Variants in AVEN observed in about 807,000 individuals in gnomAD.
AVEN encodes apoptosis and caspase activation inhibitor.
Under a neutral mutation model 38.1 loss-of-function variants are expected in AVEN, and 41 were observed. That is an observed-to-expected ratio of 1.08 (90% CI 0.84 to 1.40). AVEN has a LOEUF of 1.40. AVEN is among the 40% of genes most tolerant of loss of function. The probability of loss-of-function intolerance (pLI) is 0.00; values close to 1 mark genes in which losing one functional copy is unlikely to be tolerated. For synonymous variants in AVEN, 206 were observed against 171.8 expected (o/e 1.20, Z -1.56); for missense variants, 605 against 438.8 (o/e 1.38, Z -3.38).
chr15:34,030,376 T>C (rs1037585603), intron 1 of AVEN, among the ~76,000 whole-genome samples: 5 of 152,116 alleles, frequency 3.3e-5, no homozygotes, highest in Admixed American at 6.5e-5. Context: ...GACGGAGTCT[T>C]GCTCTGTCGC....
At chr15:33,871,384 T>C (rs1890943941) in intron 3 of AVEN, among the ~76,000 whole-genome samples, 1 of 152,130 alleles carries the variant, frequency 6.6e-6, no homozygotes, top group Non-Finnish European at 1.5e-5. Flanking sequence ...CTAGCCAACA[T>C]GGTGAAACCC....
chr15:33,931,591 T>G (rs535243035), intron 2 of AVEN, among the ~76,000 whole-genome samples: 6 of 151,970 alleles, frequency 3.9e-5, no homozygotes, highest in Admixed American at 3.3e-4. Flanking sequence ...AGGATGGTCT[T>G]GATCTCCTGA....
rs1177958542 is a variant in AVEN at position 33,968,101 on chromosome 15, A to T, written c.445+34931T>A. 1.6e-4 allele frequency among the ~76,000 whole-genome samples: 17 copies of T among 103,070 alleles called. 1 individual carries two copies. Among genetic ancestry groups the T allele is most frequent in the African/African-American group, 1.4e-3 (17 of 12,538 alleles). 67.6% of individuals were successfully genotyped at this position (103,070 alleles called of 152,430 possible). A position where few individuals can be genotyped will look rare whatever the true frequency, so the allele number is the denominator to read the frequency against. On this transcript the variant is annotated intron_variant, in intron 2 of 5. Coordinates refer to ENST00000306730, the MANE Select transcript of AVEN (RefSeq NM_020371.3). ...TGTGAATAATGCCTAGCAAAGCTTA[A>T]AAAAAAAAAAAAAAAAAAAAAAAAG...
chr15:33,965,582 T>C (rs964485756), intron 2 of AVEN, among the ~76,000 whole-genome samples: 1 of 152,162 alleles, frequency 6.6e-6, no homozygotes, highest in African/African-American at 2.4e-5. Context: ...CATAAATTCA[T>C]TTGAAAGTCT....
chr15:33,866,143 G>C (rs1466116929), downstream of AVEN: 2 of 168,244 alleles, frequency 1.2e-5, no homozygotes, highest in East Asian at 1.7e-4. Context: ...ACTTCTGGTT[G>C]ATTCTACAAC....
intron 2 of AVEN, among the ~76,000 whole-genome samples, chr15:33,941,120 T>A (rs1342400157): frequency 6.6e-6 from 1 of 152,204 alleles, no homozygotes; most frequent in Non-Finnish European, 1.5e-5. Flanking sequence ...AAATCTGATT[T>A]CTACTGTTTA....
rs138076873 is a variant in AVEN at position 33,961,812 on chromosome 15, CAAAAAAAAAAAAAAA to C, written c.445+41205_445+41219del. On this transcript the variant is annotated intron_variant, in intron 2 of 5. Coordinates refer to ENST00000306730, the MANE Select transcript of AVEN (RefSeq NM_020371.3). ...TGGGCGACAGAGTGAGACTCTGTCT[CAAAAAAAAAAAAAAA>C]AAAAAAAAAAAGAAAACGAAGTGCC... Among the ~76,000 whole-genome samples the C allele has an allele frequency of 5.6e-5, 4 of 71,966 alleles. No individual in the cohort carries two copies. In the East Asian group the frequency reaches 1.3e-3, roughly 24 times the overall value. The allele number at this position is 71,966 out of a possible 152,430, so 47.2% of individuals were successfully genotyped here.
intron 1 of AVEN, among the ~76,000 whole-genome samples, chr15:34,036,176 T>G (rs1203503792): frequency 2.6e-5 from 4 of 152,094 alleles, no homozygotes; most frequent in Non-Finnish European, 5.9e-5. Flanking sequence ...AAGATAATTA[T>G]GCTCACCCAT....
intron 1 of AVEN, among the ~76,000 whole-genome samples, chr15:34,016,278 C>G (rs115825310): frequency 4.3e-4 from 65 of 152,274 alleles, no homozygotes; most frequent in African/African-American, 1.4e-3. Flanking sequence ...ACTTATCTCT[C>G]CTAGGTTCTG....
At chr15:33,931,980 G>C (rs1162592483) in intron 2 of AVEN, among the ~76,000 whole-genome samples, 1 of 152,184 alleles carries the variant, frequency 6.6e-6, no homozygotes, top group Non-Finnish European at 1.5e-5. Context: ...AGATGAGCTT[G>C]ATCTCCAGGG....
At chr15:34,070,092 G>A (rs1412092088) in intron 2 of AVEN, among the ~76,000 whole-genome samples, 1 of 152,158 alleles carries the variant, frequency 6.6e-6, no homozygotes, top group African/African-American at 2.4e-5. Flanking sequence ...AATCATGACT[G>A]AAGTCACCTC....
At chr15:33,862,772 G>A (rs1310463424), downstream of AVEN, among the ~76,000 whole-genome samples, 1 of 152,002 alleles carries the variant, frequency 6.6e-6, no homozygotes, top group Non-Finnish European at 1.5e-5. Flanking sequence ...CACCATCCTG[G>A]GCTAATTTTT....
chr15:33,946,154 C>T (rs944699012), intron 2 of AVEN, among the ~76,000 whole-genome samples: 1 of 152,142 alleles, frequency 6.6e-6, no homozygotes, highest in Admixed American at 6.5e-5. Flanking sequence ...CCTGTACTTC[C>T]TCCCAAATAC....
intron 2 of AVEN, among the ~76,000 whole-genome samples, chr15:33,932,862 T>TAAATAAATAAATAAAA (rs1184605505): frequency 3.4e-4 from 52 of 151,742 alleles, no homozygotes; most frequent in South Asian, 1.2e-3. Flanking sequence ...AATAAATAAA[T>TAAATAAATAAATAAAA]AAAAATTGTA....
chr15:33,964,306 A>C (rs1325002564), intron 2 of AVEN, among the ~76,000 whole-genome samples: 1 of 152,158 alleles, frequency 6.6e-6, no homozygotes, highest in Non-Finnish European at 1.5e-5. Flanking sequence ...TCTGCAGTTC[A>C]GTATAAGGTC....
intron 5 of AVEN, among the ~76,000 whole-genome samples, chr15:34,048,818 A>G (rs916832029): frequency 6.6e-6 from 1 of 152,146 alleles, no homozygotes; most frequent in African/African-American, 2.4e-5. Flanking sequence ...TCCTCCTGGG[A>G]TGGAGCCTCC....
At chr15:33,898,902 A>T (rs1892360442) in intron 2 of AVEN, among the ~76,000 whole-genome samples, 1 of 152,184 alleles carries the variant, frequency 6.6e-6, no homozygotes, top group Admixed American at 6.5e-5. Flanking sequence ...AATGGTCCTG[A>T]AGAGGAGTAT....
At chr15:33,871,961 A>G (rs1890978825) in intron 3 of AVEN, among the ~76,000 whole-genome samples, 1 of 152,226 alleles carries the variant, frequency 6.6e-6, no homozygotes, top group African/African-American at 2.4e-5. Flanking sequence ...CATTTTGTAC[A>G]TGTTTTAAAG....
At chr15:33,885,456 T>A (rs867526147) in intron 2 of AVEN, among the ~76,000 whole-genome samples, 27 of 152,308 alleles carry the variant, frequency 1.8e-4, no homozygotes, top group African/African-American at 6.0e-4. Flanking sequence ...TTCACCTCAA[T>A]ATTTACCCTA....
Sources: gnomAD v4.1 joint callset for allele counts (sites outside exome capture counted in the v4.1 genomes callset) on GRCh38, gnomAD v4.1.1 for gene constraint, MANE v1.5 for transcripts, NCBI Gene and HGNC (gene_info 2026-07-23, HGNC 2026-07-21) for gene names.